LMNTD1: variants seen among roughly 807,000 people sequenced by gnomAD.
The protein encoded by LMNTD1 is lamin tail domain-containing protein 1.
Under a neutral mutation model 50.9 loss-of-function variants are expected in LMNTD1, and 35 were observed. The observed-to-expected ratio is 0.69, with a 90% CI of 0.53 to 0.91. The LOEUF is 0.91. Ranked by LOEUF, LMNTD1 falls within the 40% of genes least tolerant of loss-of-function variation. The pLI, the probability that LMNTD1 is intolerant of heterozygous loss-of-function variation, is 0.00. For missense variants in LMNTD1, 470 were observed against 475.5 expected (o/e 0.99, Z 0.11); for synonymous variants, 153 against 161.9 (o/e 0.94, Z 0.42).
rs1033259302 is a variant in LMNTD1 at position 25,477,275 on chromosome 12, G to A, written c.*23-815C>T. Among the ~76,000 whole-genome samples, 10 of 152,226 alleles carry A rather than the reference G, an allele frequency of 6.6e-5. No homozygotes were observed. The South Asian group carries it at 1.4e-3, about 22-fold the overall frequency. ...TGACAGAAAGTTTATTTTAACATAC[G>A]AAGGAGCTGGGGACATCTTTGACTT... On this transcript the variant is annotated intron_variant, in intron 9 of 9. Transcript: ENST00000458174.
chr12:25,578,967 C>T (rs16929084), intron 1 of LMNTD1, among the ~76,000 whole-genome samples: 18,339 of 152,222 alleles, frequency 0.12, 1,299 homozygotes, highest in East Asian at 0.28. Context: ...CAGATCTGTT[C>T]AGCATCCTGA....
chr12:25,595,998 G>C (rs1945836208), intron 1 of LMNTD1, among the ~76,000 whole-genome samples: 2 of 152,096 alleles, frequency 1.3e-5, no homozygotes, highest in African/African-American at 2.4e-5. Context: ...AGGGGAGATG[G>C]ATAATTTCCT....
chr12:25,546,330 C>T (rs1237734561), intron 4 of LMNTD1, 44 bp downstream of exon 4: 3 of 1,299,892 alleles, frequency 2.3e-6, no homozygotes, highest in Admixed American at 2.3e-5. Flanking sequence ...TTTATTGGTC[C>T]TACCCCGACA....
intron 1 of LMNTD1, among the ~76,000 whole-genome samples, chr12:25,579,319 T>C (rs1440094997): frequency 6.6e-6 from 1 of 152,202 alleles, no homozygotes; most frequent in Non-Finnish European, 1.5e-5. Flanking sequence ...AACAACTATA[T>C]ATATAGCATT....
At chr12:25,527,665 TATATATATATATATATACACACAC>T (rs1461182712) in intron 4 of LMNTD1, among the ~76,000 whole-genome samples, 776 of 48,950 alleles carry the variant, frequency 0.016, 10 homozygotes, top group Non-Finnish European at 0.023. Flanking sequence ...TATATATATA[TATATATATATATATATACACACAC>T]ACACACACAC....
In LMNTD1 at chr12:25,608,513, T is replaced by C. The variant is rs536703826; in HGVS notation, c.58+39981A>G. On this transcript the variant is annotated intron_variant, in intron 1 of 7. Transcript: ENST00000445693. ...GTTTAGTGCTCCCTTCAGGAGCTCT[T>C]GTAAGGCAGGCCTGGTGGTGACAAA... Among the ~76,000 whole-genome samples the C allele has an allele frequency of 2.1e-3, 324 of 152,346 alleles. 2 individuals are homozygous for C. Among genetic ancestry groups the C allele is most frequent in the African/African-American group, 7.1e-3 (296 of 41,582 alleles).
chr12:25,477,368 T>C (rs1474898198), intron 9 of LMNTD1, among the ~76,000 whole-genome samples: 3 of 151,654 alleles, frequency 2.0e-5, no homozygotes, highest in Non-Finnish European at 2.9e-5. Context: ...AAAGAGTCAA[T>C]AGAACATTGT....
intron 4 of LMNTD1, among the ~76,000 whole-genome samples, chr12:25,530,658 G>T (rs1942159901): frequency 6.6e-6 from 1 of 152,156 alleles, no homozygotes; most frequent in Admixed American, 6.5e-5. Context: ...TGTTTTAGAT[G>T]AAGTCTTGAT....
intron 1 of LMNTD1, among the ~76,000 whole-genome samples, chr12:25,645,415 G>T (rs1441884175): frequency 6.6e-6 from 1 of 152,028 alleles, no homozygotes; most frequent in African/African-American, 2.4e-5. Context: ...AAGGAGAGGT[G>T]GTTGTGACCA....
At chr12:25,589,982 A>T (rs1945647984) in intron 1 of LMNTD1, among the ~76,000 whole-genome samples, 1 of 152,206 alleles carries the variant, frequency 6.6e-6, no homozygotes. Context: ...GAGAAGGGGC[A>T]GAGCAAGACA....
intron 5 of LMNTD1, 22 bp downstream of exon 5, chr12:25,526,747 G>A: frequency 2.0e-6 from 3 of 1,534,660 alleles, no homozygotes; most frequent in Non-Finnish European, 2.7e-6. Flanking sequence ...CTAATGTACA[G>A]TATTTATACT....
chr12:25,616,011 C>A (rs1033133900), intron 1 of LMNTD1, among the ~76,000 whole-genome samples: 1 of 151,884 alleles, frequency 6.6e-6, no homozygotes, highest in East Asian at 1.9e-4. Context: ...AGTGGTGAAC[C>A]AATTAAGTTC....
At chr12:25,526,295 T>C (rs1941704169) in intron 5 of LMNTD1, 77 bp from the exon 6 acceptor site, 2 of 1,386,652 alleles carry the variant, frequency 1.4e-6, no homozygotes, top group South Asian at 2.7e-5. Context: ...TACTCCAACA[T>C]AATCTTTCTG....
intron 4 of LMNTD1, among the ~76,000 whole-genome samples, chr12:25,539,302 A>T (rs897671040): frequency 6.6e-6 from 1 of 151,954 alleles, no homozygotes; most frequent in African/African-American, 2.4e-5. Context: ...CACCTATTCC[A>T]AAATTGACCA....
chr12:25,528,618 T>G (rs1386875165), intron 4 of LMNTD1, among the ~76,000 whole-genome samples: 3 of 152,174 alleles, frequency 2.0e-5, no homozygotes, highest in Non-Finnish European at 2.9e-5. Context: ...TAAGAAAACA[T>G]GGCCATCAGA....
intron 1 of LMNTD1, among the ~76,000 whole-genome samples, chr12:25,632,509 G>A (rs944256451): frequency 1.3e-5 from 2 of 152,154 alleles, no homozygotes; most frequent in African/African-American, 2.4e-5. Context: ...CTCAAACAAA[G>A]CAATTAACAG....
intron 1 of LMNTD1, among the ~76,000 whole-genome samples, chr12:25,614,349 C>G (rs1460556835): frequency 6.6e-6 from 1 of 152,138 alleles, no homozygotes; most frequent in African/African-American, 2.4e-5. Flanking sequence ...GACACATTCC[C>G]TTGATGAGCT....
intron 1 of LMNTD1, among the ~76,000 whole-genome samples, chr12:25,585,456 TA>T (rs1945479507): frequency 1.3e-5 from 2 of 152,358 alleles, no homozygotes; most frequent in South Asian, 4.1e-4. Flanking sequence ...GAACATTATG[TA>T]CTTAACCAAC....
intron 1 of LMNTD1, among the ~76,000 whole-genome samples, chr12:25,603,597 T>C (rs192821541): frequency 3.1e-4 from 47 of 152,114 alleles, no homozygotes; most frequent in African/African-American, 1.1e-3. Context: ...GAAAAAGAAA[T>C]ATTTGTTGAA....
Sources: allele counts gnomAD v4.1 joint callset (sites outside exome capture counted in the v4.1 genomes callset), GRCh38; gene constraint gnomAD v4.1.1; transcripts MANE v1.5; gene names NCBI Gene and HGNC (gene_info 2026-07-23, HGNC 2026-07-21).